Variants in CGREF1 observed in about 807,000 individuals in gnomAD.
The protein encoded by CGREF1 is cell growth regulator with EF hand domain protein 1.
CGREF1 carries 16 observed loss-of-function variants against 17.4 expected under a neutral mutation model. The ratio of observed to expected loss-of-function variants is 0.92; its 90% confidence interval spans 0.62 to 1.40. CGREF1 has a LOEUF of 1.40. Among genes scored for constraint, CGREF1 ranks in the 40% most tolerant of loss-of-function variants. The pLI, the probability that CGREF1 is intolerant of heterozygous loss-of-function variation, is 0.00. For synonymous variants in CGREF1, 142 were observed against 154.6 expected, an observed-to-expected ratio of 0.92 and a Z score of 0.61; for missense variants, 296 against 376.4, an observed-to-expected ratio of 0.79 and a Z score of 1.77.
rs768079469 is a variant in CGREF1, at chr2:27,102,077, C to G, written c.342+20G>C. 3 of 1,590,900 alleles carry G rather than the reference C, an allele frequency of 1.9e-6. No homozygotes were observed. The highest frequency in any genetic ancestry group is 2.6e-6 in the Non-Finnish European group (3 of 1,165,218). The stretch of plus-strand genomic sequence containing the variant: ...TGCTGGGTCTCCTTTATGCGGGGAT[C>G]TCCATCCAGCAGAGCTTACCGGGTT... On this transcript the variant is annotated intron_variant, in intron 5 of 5. Coordinates refer to ENST00000402394, the MANE Select transcript of CGREF1 (RefSeq NM_006569.6).
At position 27,101,856 on chromosome 2, in the gene CGREF1, G is replaced by A. The variant is rs2384571; in HGVS notation, c.375C>T (p.Thr125=). ...TGAGCCCATCCCCATTCAGGTCCTG[G>A]GTCTCGAGCACTTTGTCCACTATCA... ...VILIVDKVLE[T]QDLNGDGLMT... is the part of the protein sequence containing the mutation. The change falls in exon 6 of 6, where the codon ACC becomes ACT. Residue 125 remains threonine, a synonymous_variant. Transcript: ENST00000402394. 1 of 1,613,148 alleles carries A rather than the reference G, an allele frequency of 6.2e-7. No individual in the cohort carries two copies. The highest frequency in any genetic ancestry group is 1.3e-5 in the African/African-American group (1 of 74,824).
In CGREF1 at chr2:27,100,947, G is replaced by A. The variant is rs1670785751; in HGVS notation, c.*327C>T. ...TGCAGCCGGCCATGGCTAGCACCAT[G>A]CGCTCTGCTGCCGGAGCACCGTGAG... On this transcript the variant is annotated 3_prime_UTR_variant, in exon 6 of 6. Coordinates refer to ENST00000402394, the MANE Select transcript of CGREF1 (RefSeq NM_006569.6). The A allele has an allele frequency of 8.8e-7, 1 of 1,135,810 alleles. No homozygotes were observed. The highest frequency in any genetic ancestry group is 1.6e-5 in the African/African-American group (1 of 61,790). The allele number at this position is 1,135,810 out of a possible 1,614,324, so 70.4% of individuals were successfully genotyped here.
chr2:27,116,923 CTTTTTTTGAGACAGAG>C (rs1671607036), intron 1 of CGREF1, among the ~76,000 whole-genome samples: 186 of 52,826 alleles, frequency 3.5e-3, no homozygotes, highest in Non-Finnish European at 4.1e-3. Context: ...CTCTCTCTCT[CTTTTTTTGAGACAGAG>C]TCTCGCTCTG....
rs1376496013 is a variant in CGREF1, at chr2:27,102,374, A to C, written c.203T>G (p.Leu68Arg). 2.5e-6 allele frequency: 4 copies of C among 1,613,998 alleles called. No homozygotes were observed. Among genetic ancestry groups the C allele is most frequent in the Non-Finnish European group, 3.4e-6 (4 of 1,180,006 alleles). Residue 68 changes from leucine (L) to arginine (R), a missense_variant, in exon 4 of 6, where the codon CTG becomes CGG. Leu to Arg is a moderately radical substitution (Grantham distance 102). Around this residue, in one of 3 missense-constraint regions of CGREF1, gnomAD observed 247 missense variants for 267.2 expected, o/e 0.92. Transcript: ENST00000402394. ...LGRTEVQLEH[L>R]SREQVLLYLF... ...CAGCCCCTCACCCTGCTCCCGGCTC[A>C]GATGCTCCAGTTGCACTTCTGTCCT... is the stretch of plus-strand genomic sequence containing the variant.
rs768334811 is a variant in CGREF1, at chr2:27,101,720, G to C, written c.511C>G (p.Leu171Val). ...QEPQAVGRQS[L>V]LAKSPLRQET... ...TGTCTTAATGGGCTTTTAGCTAATAGGGACTGCCTTCCAACAGCTTGTGGC... is the reference window on the plus strand; with the variant it reads ...TGTCTTAATGGGCTTTTAGCTAATACGGACTGCCTTCCAACAGCTTGTGGC... Residue 171 changes from leucine to valine, a missense_variant, in exon 6 of 6, where the codon CTA becomes GTA. Physicochemically the swap from Leu to Val is conservative, Grantham distance 32. Around this residue, in one of 3 missense-constraint regions of CGREF1, gnomAD observed 247 missense variants for 267.2 expected, o/e 0.92. Transcript: ENST00000402394. 4 of 1,614,236 alleles carry C rather than the reference G, an allele frequency of 2.5e-6. No homozygotes were observed. The highest frequency in any genetic ancestry group is 3.4e-6 in the Non-Finnish European group (4 of 1,180,048).
chr2:27,099,398 G>C (rs1670639687), downstream of CGREF1: 2 of 1,612,630 alleles, frequency 1.2e-6, no homozygotes, highest in Non-Finnish European at 1.7e-6. Context: ...CTAACACCCA[G>C]CTGAGTGGAG....
chr2:27,117,901 G>T (rs1312009463), intron 1 of CGREF1, among the ~76,000 whole-genome samples: 1 of 152,036 alleles, frequency 6.6e-6, no homozygotes, highest in African/African-American at 2.4e-5. Context: ...TGTATTTTTA[G>T]CAGAGACGGG....
In CGREF1 at chr2:27,102,512, C is replaced by T. The variant is rs759178514; in HGVS notation, c.146+14G>A. 3.7e-6 allele frequency: 6 copies of T among 1,613,884 alleles called. No homozygotes were observed. The East Asian group carries it at 1.3e-4, about 36-fold the overall frequency. On this transcript the variant is annotated intron_variant, in intron 3 of 5. Coordinates refer to ENST00000402394, the MANE Select transcript of CGREF1 (RefSeq NM_006569.6). ...GTCTTCTCCCTGAAAGCACCCCCGG[C>T]CCACCCTACTCACCCGAGCTGCTCC...
intron 5 of CGREF1, 22 bp downstream of exon 5, chr2:27,102,075 A>C: frequency 6.3e-7 from 1 of 1,590,094 alleles, no homozygotes. Flanking sequence ...TTATGCGGGG[A>C]TCTCCATCCA....
intron 2 of CGREF1, among the ~76,000 whole-genome samples, chr2:27,103,985 GAACA>G (rs199858794): frequency 0.029 from 4,476 of 152,080 alleles, 100 homozygotes; most frequent in Non-Finnish European, 0.047. Flanking sequence ...TCTGTCTCAA[GAACA>G]AACAAACAAA....
Position 27,102,159 on chromosome 2 carries a change from G to A in CGREF1, c.280C>T (p.Leu94=), listed in dbSNP as rs1312702168. ...AGAGCAGCTGTCAACATGGACAGCA[G>A]CTCCAGGCCATCCAGCTGTCCACTC... ...DQSGQLDGLE[L]LSMLTAALAP... Residue 94 remains leucine, a synonymous_variant, in exon 5 of 6, where the codon CTG becomes TTG. Coordinates refer to ENST00000402394, the MANE Select transcript of CGREF1 (RefSeq NM_006569.6). The A allele has an allele frequency of 1.2e-6, 2 of 1,612,624 alleles. No homozygotes were observed. The highest frequency in any genetic ancestry group is 1.7e-6 in the Non-Finnish European group (2 of 1,178,900).
chr2:27,100,280 A>T (rs1670733950), downstream of CGREF1: 1 of 445,866 alleles, frequency 2.2e-6, no homozygotes, highest in Non-Finnish European at 4.0e-6. Context: ...AGCTGAACTG[A>T]CAGGCCAGTG....
chr2:27,117,813 AT>A (rs1671640765), intron 1 of CGREF1, among the ~76,000 whole-genome samples: 1 of 147,138 alleles, frequency 6.8e-6, no homozygotes, highest in Non-Finnish European at 1.5e-5. Context: ...GGTTCACGCC[AT>A]TCTCCATTCT....
chr2:27,116,856 A>ACCAGG (rs1192224350), intron 1 of CGREF1, among the ~76,000 whole-genome samples: 1 of 103,282 alleles, frequency 9.7e-6, no homozygotes, highest in African/African-American at 3.2e-5. Context: ...GGGATGAGCC[A>ACCAGG]CCAGGCCAGG....
chr2:27,103,174 G>C, intron 2 of CGREF1: 2 of 928,650 alleles, frequency 2.2e-6, no homozygotes, highest in Non-Finnish European at 2.6e-6. Flanking sequence ...AGTCAATCCA[G>C]ACCTGTGATG....
downstream of CGREF1, chr2:27,099,783 A>G (rs779826783): frequency 3.1e-6 from 5 of 1,609,528 alleles, no homozygotes; most frequent in East Asian, 4.5e-5. Flanking sequence ...CACCATGGAG[A>G]CTACCATTGC....
At chr2:27,106,997 T>G (rs1483710540) in intron 1 of CGREF1, among the ~76,000 whole-genome samples, 2 of 152,196 alleles carry the variant, frequency 1.3e-5, no homozygotes, top group Non-Finnish European at 2.9e-5. Flanking sequence ...TATTTTGAAG[T>G]GCAACCTGGT....
chr2:27,110,465 ACACTT>A (rs1248975859), intron 1 of CGREF1, among the ~76,000 whole-genome samples: 2 of 152,186 alleles, frequency 1.3e-5, no homozygotes, highest in Non-Finnish European at 2.9e-5. Context: ...AAAAGAGACT[ACACTT>A]AAAGAAATTA....
intron 1 of CGREF1, among the ~76,000 whole-genome samples, chr2:27,115,859 A>G (rs74510402): frequency 3.3e-5 from 5 of 152,130 alleles, no homozygotes; most frequent in African/African-American, 1.2e-4. Context: ...TCCATCCTCA[A>G]TCTGGAATGT....
Sources: allele counts gnomAD v4.1 joint callset (sites outside exome capture counted in the v4.1 genomes callset), GRCh38; gene constraint gnomAD v4.1.1; regional missense constraint gnomAD v4.1.1; transcripts MANE v1.5; gene names NCBI Gene and HGNC (gene_info 2026-07-23, HGNC 2026-07-21).